Variants in TENM4 observed in about 807,000 individuals in gnomAD.
TENM4 encodes teneurin-4.
In TENM4, 82 loss-of-function variants were observed where a neutral mutation model predicts 243.3. The ratio of observed to expected loss-of-function variants is 0.34; its 90% CI spans 0.28 to 0.40. The LOEUF is 0.40. Among genes scored for constraint, TENM4 ranks in the 10% least tolerant of loss-of-function variants. The probability of loss-of-function intolerance (pLI) is 1.00; values close to 1 mark genes in which losing one functional copy is unlikely to be tolerated. For missense variants in TENM4, 3,138 were observed against 3,673.3 expected (o/e 0.85, Z 3.77); for synonymous variants, 1,412 against 1,456.3 (o/e 0.97, Z 0.69).
intron 6 of TENM4, among the ~76,000 whole-genome samples, chr11:79,040,515 AC>A (rs1859495019): frequency 6.6e-6 from 1 of 152,194 alleles, no homozygotes; most frequent in African/African-American, 2.4e-5. Flanking sequence ...TGCTGCACTT[AC>A]TATTCCAGGC....
intron 12 of TENM4, among the ~76,000 whole-genome samples, chr11:78,826,698 G>A (rs1396136518): frequency 6.6e-6 from 1 of 152,142 alleles, no homozygotes; most frequent in African/African-American, 2.4e-5. Flanking sequence ...TTCTGTTTAT[G>A]TAGTGTTTTC....
At chr11:79,148,056 G>A (rs534011256) in intron 4 of TENM4, among the ~76,000 whole-genome samples, 2 of 152,092 alleles carry the variant, frequency 1.3e-5, no homozygotes, top group African/African-American at 2.4e-5. Context: ...GAGTAGAACT[G>A]GGGCTGAACC....
At position 78,657,659 on chromosome 11, in the gene TENM4, G is replaced by A. The variant is rs1376837531; in HGVS notation, c.*399C>T. ...GACCCCAGTCGAAGAAGAAAGGGTT[G>A]CACATGAGACAAGTTAGCACAGACA... On this transcript the variant is annotated 3_prime_UTR_variant, in exon 34 of 34. Coordinates refer to ENST00000278550, the MANE Select transcript of TENM4 (RefSeq NM_001098816.3). 2.7e-6 allele frequency: 1 copy of A among 368,956 alleles called. No individual in the cohort carries two copies. Among genetic ancestry groups the A allele is most frequent in the African/African-American group, 2.1e-5 (1 of 47,858 alleles). The allele number at this position is 368,956 out of a possible 1,614,324, so 22.9% of individuals were successfully genotyped here.
intron 21 of TENM4, among the ~76,000 whole-genome samples, chr11:78,731,457 C>CA (rs951884465): frequency 6.6e-6 from 1 of 152,146 alleles, no homozygotes; most frequent in African/African-American, 2.4e-5. Flanking sequence ...GAAATATACA[C>CA]AAAAAAATAT....
chr11:78,990,850 C>T (rs1055984041), intron 6 of TENM4, among the ~76,000 whole-genome samples: 3 of 152,152 alleles, frequency 2.0e-5, no homozygotes, highest in South Asian at 2.1e-4. Context: ...GTTTGTTTTA[C>T]TTGTCATGCT....
At chr11:78,839,676 C>CTTATT (rs1858206094) in intron 12 of TENM4, among the ~76,000 whole-genome samples, 1 of 152,060 alleles carries the variant, frequency 6.6e-6, no homozygotes, top group Non-Finnish European at 1.5e-5. Flanking sequence ...ATCGGTGCAC[C>CTTATT]TTATTTTATT....
intron 1 of TENM4, among the ~76,000 whole-genome samples, chr11:79,335,493 C>T (rs1025476842): frequency 4.6e-5 from 7 of 152,316 alleles, no homozygotes; most frequent in Non-Finnish European, 8.8e-5. Context: ...TCCATTGGTA[C>T]ATTTGTATCA....
intron 2 of TENM4, among the ~76,000 whole-genome samples, chr11:79,277,153 A>G (rs891425672): frequency 1.3e-5 from 2 of 152,188 alleles, no homozygotes; most frequent in African/African-American, 2.4e-5. Flanking sequence ...CTCTGCTACC[A>G]GGGGCTGTGC....
chr11:79,285,219 A>C (rs761126671), intron 2 of TENM4, among the ~76,000 whole-genome samples: 2 of 151,578 alleles, frequency 1.3e-5, no homozygotes, highest in Non-Finnish European at 2.9e-5. Flanking sequence ...GCCTGGCAAC[A>C]GAGAAAGACT....
chr11:79,132,922 G>A (rs1181855915), intron 4 of TENM4, among the ~76,000 whole-genome samples: 2 of 152,002 alleles, frequency 1.3e-5, no homozygotes, highest in Non-Finnish European at 2.9e-5. Flanking sequence ...GACATTCTAA[G>A]GTCATACCTC....
intron 1 of TENM4, among the ~76,000 whole-genome samples, chr11:79,342,743 G>A (rs532796611): frequency 6.6e-6 from 1 of 152,270 alleles, no homozygotes; most frequent in Admixed American, 6.5e-5. Context: ...GTCCAGGTGA[G>A]GCTGAGAAAT....
chr11:78,949,425 A>G (rs1027948350), intron 6 of TENM4, among the ~76,000 whole-genome samples: 2 of 152,244 alleles, frequency 1.3e-5, no homozygotes, highest in South Asian at 2.1e-4. Context: ...ATTGGGAATC[A>G]GAAGGCGTGG....
At chr11:79,356,832 G>T (rs1209739778) in intron 1 of TENM4, among the ~76,000 whole-genome samples, 1 of 151,528 alleles carries the variant, frequency 6.6e-6, no homozygotes, top group African/African-American at 2.4e-5. Context: ...TTGGTCCTTT[G>T]TCTTTGATCT....
chr11:78,676,367 A>G lies in TENM4; in HGVS notation c.5281T>C (p.Tyr1761His). 6.2e-7 allele frequency: 1 copy of G among 1,602,684 alleles called. No homozygotes were observed. Among genetic ancestry groups the G allele is most frequent in the Non-Finnish European group, 8.5e-7 (1 of 1,170,904 alleles). The change falls in exon 30 of 34, where the codon TAC becomes CAC. Residue 1761 changes from tyrosine (Y) to histidine (H), a missense_variant. Tyr to His is a moderately conservative substitution (Grantham distance 83). Coordinates refer to ENST00000278550, the MANE Select transcript of TENM4 (RefSeq NM_001098816.3). ...CGCAAGGAGCCATCGGCCCCGATGT[A>G]GTAGCTGTTCCGGACTTGGTCTGCA... ...LLQDQVRNSY[Y>H]IGADGSLRLL...
At chr11:78,746,951 A>T (rs1856064761) in intron 19 of TENM4, among the ~76,000 whole-genome samples, 1 of 152,238 alleles carries the variant, frequency 6.6e-6, no homozygotes, top group Non-Finnish European at 1.5e-5. Context: ...GGGACAGGGC[A>T]GGTCCTGCTT....
intron 6 of TENM4, 166 bp from the exon 7 acceptor site, chr11:78,903,689 C>G: frequency 1.6e-5 from 18 of 1,122,560 alleles, no homozygotes; most frequent in Non-Finnish European, 2.3e-5. Context: ...TGAGCACCTA[C>G]CATTCTAGGT....
intron 6 of TENM4, among the ~76,000 whole-genome samples, chr11:78,980,648 G>A (rs7131392): frequency 0.051 from 7,803 of 152,292 alleles, 526 homozygotes; most frequent in East Asian, 0.2. Flanking sequence ...ACTCATGTCT[G>A]AGTCTGAATC....
At chr11:78,902,687 G>C (rs1239096229) in intron 7 of TENM4, among the ~76,000 whole-genome samples, 4 of 152,210 alleles carry the variant, frequency 2.6e-5, no homozygotes, top group Admixed American at 6.5e-5. Context: ...GAAAGCCCTT[G>C]TAACCCAAAG....
chr11:79,109,428 C>A (rs557862951), intron 4 of TENM4, among the ~76,000 whole-genome samples: 1 of 151,996 alleles, frequency 6.6e-6, no homozygotes, highest in Non-Finnish European at 1.5e-5. Context: ...AGTGATTCTC[C>A]TTGTGAGGTG....
Sources: gnomAD v4.1 joint callset for allele counts (sites outside exome capture counted in the v4.1 genomes callset) on GRCh38, gnomAD v4.1.1 for gene constraint, MANE v1.5 for transcripts, NCBI Gene and HGNC (gene_info 2026-07-23, HGNC 2026-07-21) for gene names.